Variants in FUT9 observed in about 807,000 individuals in gnomAD.
The protein encoded by FUT9 is fucosyltransferase 9.
A neutral mutation model predicts 29.7 loss-of-function variants in FUT9; 15 were observed. The observed-to-expected ratio is 0.51, with a 90% confidence interval of 0.34 to 0.78. The LOEUF is 0.78. Among genes scored for constraint, FUT9 ranks in the 30% least tolerant of loss-of-function variants. FUT9 has a pLI of 0.01. For missense variants in FUT9, 319 were observed against 425.4 expected (o/e 0.75, Z 2.20); for synonymous variants, 169 against 153.7 (o/e 1.10, Z -0.74).
chr6:96,145,400 G>C (rs1772547739), intron 2 of FUT9, among the ~76,000 whole-genome samples: 2 of 152,118 alleles, frequency 1.3e-5, no homozygotes, highest in South Asian at 4.1e-4. Context: ...TTACTGAGCA[G>C]CTACTATGTA....
intron 1 of FUT9, among the ~76,000 whole-genome samples, chr6:96,110,490 A>T (rs1771779617): frequency 6.6e-6 from 1 of 152,108 alleles, no homozygotes; most frequent in African/African-American, 2.4e-5. Context: ...TGAAAGCAAA[A>T]ACCCTGAGCA....
intron 2 of FUT9, among the ~76,000 whole-genome samples, chr6:96,190,497 AT>A (rs2127988523): frequency 6.6e-6 from 1 of 152,208 alleles, no homozygotes; most frequent in East Asian, 1.9e-4. Flanking sequence ...TACCCTGCAG[AT>A]TGTTTTCCAA....
At chr6:96,125,354 T>C (rs1461042229) in intron 2 of FUT9, among the ~76,000 whole-genome samples, 2 of 152,208 alleles carry the variant, frequency 1.3e-5, no homozygotes, top group Non-Finnish European at 2.9e-5. Context: ...CTTATCTTGT[T>C]CATTTAGGGA....
At chr6:96,076,518 T>C (rs928755717) in intron 1 of FUT9, among the ~76,000 whole-genome samples, 1 of 152,232 alleles carries the variant, frequency 6.6e-6, no homozygotes, top group Non-Finnish European at 1.5e-5. Context: ...TTATTTAGCA[T>C]TTCGCCATGT....
chr6:96,196,142 T>A (rs983598949), intron 2 of FUT9, among the ~76,000 whole-genome samples: 2 of 151,956 alleles, frequency 1.3e-5, no homozygotes, highest in African/African-American at 4.8e-5. Flanking sequence ...AATAGAGAGG[T>A]GGTGATCTCT....
In FUT9 at chr6:96,162,219, G is replaced by T. The variant is rs568745562; in HGVS notation, c.-8-40929G>T. On this transcript the variant is annotated intron_variant, in intron 2 of 2. Coordinates refer to ENST00000302103, the MANE Select transcript of FUT9 (RefSeq NM_006581.4). Reference sequence around the variant, plus strand: ...TTTTCTCTTCAAAACATGTTATTTTGTTGTTGCTTTTTAGCATTCCTCTTA... The same window carrying T: ...TTTTCTCTTCAAAACATGTTATTTTTTTGTTGCTTTTTAGCATTCCTCTTA... Among the ~76,000 whole-genome samples the T allele has an allele frequency of 2.6e-5, 4 of 152,076 alleles. No individual in the cohort carries two copies. In the South Asian group the frequency reaches 8.3e-4, roughly 32 times the overall value.
At chr6:96,090,964 T>G (rs1771401798) in intron 1 of FUT9, among the ~76,000 whole-genome samples, 1 of 152,052 alleles carries the variant, frequency 6.6e-6, no homozygotes, top group Non-Finnish European at 1.5e-5. Context: ...ATTTGTAATA[T>G]CTAATGCAAT....
chr6:96,159,072 T>A (rs148720636), intron 2 of FUT9, among the ~76,000 whole-genome samples: 31 of 152,342 alleles, frequency 2.0e-4, no homozygotes, highest in African/African-American at 7.2e-4. Flanking sequence ...TAATGCTTCT[T>A]CTATTAGTGA....
intron 2 of FUT9, among the ~76,000 whole-genome samples, chr6:96,128,232 G>A (rs1772168787): frequency 6.6e-6 from 1 of 152,000 alleles, no homozygotes; most frequent in Non-Finnish European, 1.5e-5. Flanking sequence ...GGGAGAAAAT[G>A]TTCCCCCCAA....
intron 2 of FUT9, among the ~76,000 whole-genome samples, chr6:96,127,530 AT>A (rs1772156120): frequency 6.6e-6 from 1 of 152,116 alleles, no homozygotes; most frequent in Admixed American, 6.5e-5. Flanking sequence ...TGGTAGAATT[AT>A]TTATCTTTGT....
chr6:96,164,452 G>A (rs1772976437), intron 2 of FUT9, among the ~76,000 whole-genome samples: 1 of 152,004 alleles, frequency 6.6e-6, no homozygotes, highest in Admixed American at 6.6e-5. Flanking sequence ...CAGAGATGGG[G>A]TTTCACCGTG....
chr6:96,118,740 G>T (rs868713238), intron 2 of FUT9, among the ~76,000 whole-genome samples: 53 of 152,256 alleles, frequency 3.5e-4, no homozygotes, highest in South Asian at 1.2e-3. Flanking sequence ...ACAGGTCCAT[G>T]CACGTTATTG....
chr6:96,172,223 A>G (rs751770825), intron 2 of FUT9, among the ~76,000 whole-genome samples: 63 of 152,050 alleles, frequency 4.1e-4, no homozygotes, highest in Non-Finnish European at 5.9e-4. Flanking sequence ...CCAAATCCCA[A>G]CCTCCTAATA....
chr6:96,111,063 T>C (rs995989055), intron 1 of FUT9, among the ~76,000 whole-genome samples: 7 of 152,136 alleles, frequency 4.6e-5, no homozygotes, highest in Non-Finnish European at 4.4e-5. Flanking sequence ...TAAAAACACT[T>C]AGTGAATCAT....
rs1308578025 is a variant in FUT9, at chr6:96,077,950, G to A, written c.-97-36089G>A. On this transcript the variant is annotated intron_variant, in intron 1 of 2. Coordinates refer to ENST00000302103, the MANE Select transcript of FUT9 (RefSeq NM_006581.4). Reference sequence around the variant, plus strand: ...ATCCCTAGCGTTCCGAAATTTCAAGGTGCTGCACACTGTAAGAGTTTCTTT... The same window carrying A: ...ATCCCTAGCGTTCCGAAATTTCAAGATGCTGCACACTGTAAGAGTTTCTTT... Among the ~76,000 whole-genome samples the A allele has an allele frequency of 2.0e-5, 3 of 152,080 alleles. No individual in the cohort carries two copies. In the East Asian group the frequency reaches 5.8e-4, roughly 29 times the overall value.
chr6:96,160,950 A>G (rs1320385957), intron 2 of FUT9, among the ~76,000 whole-genome samples: 1 of 152,158 alleles, frequency 6.6e-6, no homozygotes, highest in African/African-American at 2.4e-5. Flanking sequence ...TTTTTAAACT[A>G]TGATTTTGAA....
At chr6:96,145,249 G>A (rs574532303) in intron 2 of FUT9, among the ~76,000 whole-genome samples, 6 of 152,084 alleles carry the variant, frequency 3.9e-5, no homozygotes, top group South Asian at 2.1e-4. Flanking sequence ...TAGTAGAAAC[G>A]GGGTTTCACC....
intron 2 of FUT9, among the ~76,000 whole-genome samples, chr6:96,151,694 T>A (rs527944475): frequency 1.4e-4 from 22 of 152,296 alleles, no homozygotes; most frequent in African/African-American, 4.3e-4. Flanking sequence ...TATATTCAGA[T>A]TCACTATCCA....
chr6:96,052,652 G>T (rs2493352), intron 1 of FUT9, among the ~76,000 whole-genome samples: 11,621 of 152,178 alleles, frequency 0.076, 1,166 homozygotes, highest in African/African-American at 0.23. Context: ...GAACATCAGA[G>T]AATTTTCCAA....
Sources: allele counts gnomAD v4.1 joint callset (sites outside exome capture counted in the v4.1 genomes callset), GRCh38; gene constraint gnomAD v4.1.1; transcripts MANE v1.5; gene names NCBI Gene and HGNC (gene_info 2026-07-23, HGNC 2026-07-21).